VWDE: variants seen among roughly 807,000 people sequenced by gnomAD.
VWDE encodes the protein von Willebrand factor D and EGF domain-containing protein.
In VWDE, 207 loss-of-function variants were observed where a neutral mutation model predicts 178.4. The observed-to-expected ratio is 1.16, with a 90% CI of 1.04 to 1.30. The LOEUF (loss-of-function observed/expected upper bound fraction) is 1.30, where lower values mean the gene tolerates loss of function less well. Among genes scored for constraint, VWDE ranks in the 50% most tolerant of loss-of-function variants. The pLI, the probability that VWDE is intolerant of heterozygous loss-of-function variation, is 0.00. For missense variants in VWDE, 2,287 were observed against 1,901.3 expected (o/e 1.20, Z -3.77); for synonymous variants, 738 against 651.4 (o/e 1.13, Z -2.02).
At chr7:12,341,477 C>T (rs181369162) in intron 23 of VWDE, among the ~76,000 whole-genome samples, 2 of 152,006 alleles carry the variant, frequency 1.3e-5, no homozygotes, top group African/African-American at 4.8e-5. Context: ...ACTAAAAATA[C>T]AAAAATTAGC....
At chr7:12,399,729 C>G (rs959436477) in intron 1 of VWDE, among the ~76,000 whole-genome samples, 1 of 152,078 alleles carries the variant, frequency 6.6e-6, no homozygotes, top group Non-Finnish European at 1.5e-5. Context: ...TTCCTATAAA[C>G]CCAGCTACTA....
chr7:12,390,181 A>C (rs572527538), intron 2 of VWDE, among the ~76,000 whole-genome samples: 1 of 152,084 alleles, frequency 6.6e-6, no homozygotes, highest in African/African-American at 2.4e-5. Context: ...AAAAAAAAGA[A>C]AGAAAGAAAG....
At chr7:12,337,975 C>T (rs898236411) in intron 24 of VWDE, among the ~76,000 whole-genome samples, 8 of 151,988 alleles carry the variant, frequency 5.3e-5, no homozygotes, top group African/African-American at 1.9e-4. Flanking sequence ...TTAAGTAATA[C>T]ACAGGCAAGC....
chr7:12,373,170 T>C lies in VWDE; in HGVS notation c.1394A>G (p.Gln465Arg), dbSNP rs1254309608. 30 of 1,551,274 alleles carry C rather than the reference T, an allele frequency of 1.9e-5. No individual in the cohort carries two copies. The highest frequency in any genetic ancestry group is 2.5e-5 in the Non-Finnish European group (29 of 1,146,802). Residue 465 changes from glutamine to arginine, a missense_variant, in exon 10 of 29, where the codon CAG (glutamine) becomes CGG (arginine). By Grantham distance (43) the Gln-to-Arg change is conservative. Coordinates refer to ENST00000275358, the MANE Select transcript of VWDE (RefSeq NM_001135924.3). ...ATAGTGAAGGCTTCTGCAGTCCCAC[T>C]GACGTACATGGACTTCAAAATCACG... ...MSRDFEVHVRQWDCRSLHYPV... is the reference protein window; with the variant it reads ...MSRDFEVHVRRWDCRSLHYPV...
rs747708285 is a variant in VWDE, at chr7:12,379,555, G to C, written c.801C>G (p.Ser267Arg). The C allele has an allele frequency of 8.8e-5, 136 of 1,545,858 alleles. No individual in the cohort carries two copies. In the South Asian group the frequency reaches 9.4e-4, roughly 11 times the overall value. ...NLRLGDRIFC[S>R]ASVFFLENPH... ...GATTCTCCAAGAAAAAGACAGAAGC[G>C]CTGCAGAATATCTATGGATATAATT... The change falls in exon 6 of 29, where the codon AGC becomes AGG. Residue 267 changes from serine to arginine, a missense_variant. Transcript: ENST00000275358.
intron 1 of VWDE, among the ~76,000 whole-genome samples, chr7:12,402,513 T>C (rs1784950041): frequency 6.6e-6 from 1 of 152,144 alleles, no homozygotes; most frequent in African/African-American, 2.4e-5. Flanking sequence ...AGCTATTATA[T>C]AGAGGCAAAA....
chr7:12,336,039 G>C (rs1781003822), intron 27 of VWDE, 102 bp downstream of exon 27: 1 of 846,016 alleles, frequency 1.2e-6, no homozygotes, highest in Non-Finnish European at 1.7e-6. Flanking sequence ...CAGCATGCTG[G>C]AGTTTTTTCC....
At chr7:12,376,122 C>A (rs1783515730) in intron 7 of VWDE, among the ~76,000 whole-genome samples, 1 of 151,802 alleles carries the variant, frequency 6.6e-6, no homozygotes, top group African/African-American at 2.4e-5. Context: ...ATATACTTTT[C>A]CCATGCACAT....
chr7:12,399,681 T>C (rs1330047434), intron 1 of VWDE, among the ~76,000 whole-genome samples: 1 of 152,088 alleles, frequency 6.6e-6, no homozygotes, highest in Non-Finnish European at 1.5e-5. Flanking sequence ...AAAACAAGCC[T>C]TGATAAATTT....
chr7:12,357,178 T>C, intron 17 of VWDE, 87 bp downstream of exon 17: 2 of 1,450,962 alleles, frequency 1.4e-6, no homozygotes, highest in Non-Finnish European at 1.8e-6. Flanking sequence ...TCTTTACAAC[T>C]AGCAATATGG....
Position 12,380,560 on chromosome 7 carries a change from G to C in VWDE, c.715C>G (p.Leu239Val), listed in dbSNP as rs1209969752. 8 of 1,552,118 alleles carry C rather than the reference G, an allele frequency of 5.2e-6. 1 individual carries two copies. Among genetic ancestry groups the C allele is most frequent in the South Asian group, 4.8e-5 (4 of 84,064 alleles). ...GCCTGAACTGTGGTCTCTTGTGTCAGCTCCTCTTTGACTTCTTGAGAAGAA... is the reference window on the plus strand; with the variant it reads ...GCCTGAACTGTGGTCTCTTGTGTCACCTCCTCTTTGACTTCTTGAGAAGAA... ...RLSSQEVKEE[L>V]TQETTVQAFS... Residue 239 changes from leucine to valine, a missense_variant, in exon 5 of 29, where the codon CTG becomes GTG. Physicochemically the swap from Leu to Val is conservative, Grantham distance 32 (BLOSUM62 1). Coordinates refer to ENST00000275358, the MANE Select transcript of VWDE (RefSeq NM_001135924.3).
At position 12,370,031 on chromosome 7, in the gene VWDE, G is replaced by A; in HGVS notation, c.2275C>T (p.Pro759Ser). The A allele has an allele frequency of 6.4e-7, 1 of 1,551,484 alleles. No homozygotes were observed. The highest frequency in any genetic ancestry group is 1.2e-5 in the South Asian group (1 of 84,058). The change falls in exon 12 of 29, where the codon CCT (proline) becomes TCT (serine). Residue 759 changes from proline to serine, a missense_variant. Coordinates refer to ENST00000275358, the MANE Select transcript of VWDE (RefSeq NM_001135924.3). ...RWKRQNFHEF[P>S]PLFAFPSLSQ... The stretch of plus-strand genomic sequence containing the variant: ...AGACTCGGGAAAGCAAACAAAGGAG[G>A]AAACTCATGAAAGTTCTGCCGTTTC...
intron 16 of VWDE, among the ~76,000 whole-genome samples, chr7:12,358,325 G>A (rs1782379287): frequency 6.6e-6 from 1 of 150,640 alleles, no homozygotes; most frequent in South Asian, 2.1e-4. Flanking sequence ...AGTGAGCTGA[G>A]ATCGTGCCAC....
At chr7:12,366,496 T>C (rs775392135) in intron 13 of VWDE, among the ~76,000 whole-genome samples, 2 of 152,158 alleles carry the variant, frequency 1.3e-5, no homozygotes, top group East Asian at 1.9e-4. Flanking sequence ...ATTACTTACA[T>C]GTACCTTTCT....
chr7:12,388,377 T>C (rs1323523856), intron 3 of VWDE, among the ~76,000 whole-genome samples: 7 of 150,844 alleles, frequency 4.6e-5, no homozygotes, highest in African/African-American at 1.5e-4. Flanking sequence ...TTCTCCACTG[T>C]AAAATTAGTA....
chr7:12,398,884 G>T (rs1784750953), intron 1 of VWDE, among the ~76,000 whole-genome samples: 2 of 152,044 alleles, frequency 1.3e-5, no homozygotes, highest in South Asian at 2.1e-4. Context: ...AGACACTAGG[G>T]ACTACTGAAG....
At chr7:12,374,142 C>T (rs963217903) in intron 9 of VWDE, among the ~76,000 whole-genome samples, 2 of 152,066 alleles carry the variant, frequency 1.3e-5, no homozygotes, top group African/African-American at 4.8e-5. Context: ...GAGTTTAAAT[C>T]TTTCTATACA....
chr7:12,391,679 AC>A (rs1784397660), intron 2 of VWDE, among the ~76,000 whole-genome samples: 1 of 152,348 alleles, frequency 6.6e-6, no homozygotes, highest in African/African-American at 2.4e-5. Context: ...AGATAATGAG[AC>A]TTAGCCACAA....
chr7:12,342,420 A>G (rs1035623892), intron 22 of VWDE, among the ~76,000 whole-genome samples: 2 of 152,128 alleles, frequency 1.3e-5, no homozygotes, highest in Non-Finnish European at 2.9e-5. Flanking sequence ...TGGGAAAATT[A>G]TTAGTTATTG....
Sources: allele counts gnomAD v4.1 joint callset (sites outside exome capture counted in the v4.1 genomes callset), GRCh38; gene constraint gnomAD v4.1.1; transcripts MANE v1.5; gene names NCBI Gene and HGNC (gene_info 2026-07-23, HGNC 2026-07-21).